Variants in DLGAP1 observed in about 807,000 individuals in gnomAD.
DLGAP1 encodes DLG associated protein 1, also known as disks large-associated protein 1.
DLGAP1 carries 11 observed loss-of-function variants against 90.8 expected under a neutral mutation model. That is an observed-to-expected ratio of 0.12 (90% CI 0.08 to 0.20). The LOEUF is 0.20. DLGAP1 is among the 10% of genes least tolerant of loss of function. The pLI, the probability that DLGAP1 is intolerant of heterozygous loss-of-function variation, is 1.00. For synonymous variants in DLGAP1, 558 were observed against 540.7 expected (o/e 1.03, Z -0.44); for missense variants, 1,050 against 1,333.8 (o/e 0.79, Z 3.31).
intron 3 of DLGAP1, among the ~76,000 whole-genome samples, chr18:3,914,916 G>C (rs1182327729): frequency 3.3e-5 from 5 of 152,038 alleles, no homozygotes; most frequent in Admixed American, 3.3e-4. Context: ...GCTAATTTTT[G>C]TGTTTTTGTA....
intron 1 of DLGAP1, chr18:4,280,630 T>C (rs1262250820): frequency 6.6e-6 from 1 of 152,226 alleles, no homozygotes; most frequent in African/African-American, 2.4e-5. Flanking sequence ...TTCTGAACAG[T>C]AATTTAACAA....
At chr18:3,728,980 G>A (rs1432787633) in intron 7 of DLGAP1, among the ~76,000 whole-genome samples, 155 bp downstream of exon 7, 1 of 152,180 alleles carries the variant, frequency 6.6e-6, no homozygotes, top group Non-Finnish European at 1.5e-5. Flanking sequence ...GGCGGGGATA[G>A]AGGCAGATAG....
intron 3 of DLGAP1, among the ~76,000 whole-genome samples, chr18:3,884,744 C>T (rs912444451): frequency 1.4e-4 from 21 of 152,186 alleles, no homozygotes; most frequent in African/African-American, 5.1e-4. Flanking sequence ...ACAAGCACCT[C>T]TATTTTCTTG....
At chr18:3,931,626 C>T (rs187234675) in intron 3 of DLGAP1, among the ~76,000 whole-genome samples, 1 of 152,122 alleles carries the variant, frequency 6.6e-6, no homozygotes, top group African/African-American at 2.4e-5. Flanking sequence ...CTTTGGAAAG[C>T]AGTGAATTTG....
chr18:4,359,450 T>C (rs965244452), intron 1 of DLGAP1, among the ~76,000 whole-genome samples: 1 of 152,170 alleles, frequency 6.6e-6, no homozygotes, highest in African/African-American at 2.4e-5. Context: ...CATACCCCCT[T>C]TTTCCAGTCA....
At chr18:3,576,893 AC>A (rs1274827348) in intron 8 of DLGAP1, among the ~76,000 whole-genome samples, 1 of 75,412 alleles carries the variant, frequency 1.3e-5, no homozygotes, top group Non-Finnish European at 2.7e-5. Flanking sequence ...ACGGCGTTTC[AC>A]TCTTGTTGCC....
chr18:3,895,236 T>G (rs2071587296), intron 3 of DLGAP1, among the ~76,000 whole-genome samples: 1 of 151,816 alleles, frequency 6.6e-6, no homozygotes, highest in Non-Finnish European at 1.5e-5. Flanking sequence ...TTAGTACTTT[T>G]CCATTTTTAT....
intron 9 of DLGAP1, among the ~76,000 whole-genome samples, chr18:3,552,617 C>A (rs1480105253): frequency 6.6e-6 from 1 of 152,174 alleles, no homozygotes; most frequent in African/African-American, 2.4e-5. Context: ...TGTATATCTT[C>A]ACTTAATCCT....
intron 3 of DLGAP1, among the ~76,000 whole-genome samples, chr18:3,982,772 C>T (rs926620666): frequency 5.9e-5 from 9 of 152,070 alleles, no homozygotes; most frequent in African/African-American, 1.7e-4. Context: ...ATTCTAGCAC[C>T]GTGAGTCGCA....
Position 3,565,973 on chromosome 18 carries a change from T to G in DLGAP1, c.2057+1517A>C, listed in dbSNP as rs2054405409. On this transcript the variant is annotated intron_variant, in intron 9 of 12. Coordinates refer to ENST00000315677, the MANE Select transcript of DLGAP1 (RefSeq NM_004746.4). The surrounding 1 kb of genome is among the most constrained non-coding windows in gnomAD (Gnocchi z 4.0). The stretch of plus-strand genomic sequence containing the variant: ...TCCTTGTCCATCTGCATGAACACTA[T>G]GCGTGGATATTATATATTAAAGTTT... Among the ~76,000 whole-genome samples the G allele has an allele frequency of 1.3e-5, 2 of 152,176 alleles. No individual in the cohort carries two copies. Among genetic ancestry groups the G allele is most frequent in the South Asian group, 4.1e-4 (2 of 4,830 alleles).
chr18:4,105,305 C>T (rs2075841013), intron 2 of DLGAP1, among the ~76,000 whole-genome samples: 1 of 152,162 alleles, frequency 6.6e-6, no homozygotes, highest in Non-Finnish European at 1.5e-5. Context: ...TTCCTCTATG[C>T]AAGTTAGCAG....
Position 4,397,514 on chromosome 18 carries a change from A to C in DLGAP1, c.-267+57492T>G, listed in dbSNP as rs139166283. ...ATTATATCCACTTGAAATTATCAGC[A>C]TGCATTTGTATATTGTAACAGAAAT... On this transcript the variant is annotated intron_variant, in intron 1 of 12. Coordinates refer to ENST00000315677, the MANE Select transcript of DLGAP1 (RefSeq NM_004746.4). Among the ~76,000 whole-genome samples the C allele has an allele frequency of 1.0e-3, 155 of 152,300 alleles. 2 individuals carry two copies. The highest frequency in any genetic ancestry group is 9.6e-4 in the Non-Finnish European group (65 of 68,016).
At chr18:4,410,867 G>A (rs1032964996) in intron 1 of DLGAP1, among the ~76,000 whole-genome samples, 1 of 152,176 alleles carries the variant, frequency 6.6e-6, no homozygotes, top group African/African-American at 2.4e-5. Context: ...GTGTACCACA[G>A]AGAATCCCCA....
chr18:3,702,567 C>T (rs537183927), intron 7 of DLGAP1, among the ~76,000 whole-genome samples: 3 of 152,290 alleles, frequency 2.0e-5, no homozygotes, highest in Admixed American at 2.0e-4. Context: ...TTCCTAGACC[C>T]TTCCCTGGGT....
chr18:4,031,337 A>G lies in DLGAP1; in HGVS notation c.-158-26136T>C, dbSNP rs2074793028. ...TTCCTATTAGATGATACAATAAAAT[A>G]TATATTGTATTTACAAACATATTTC... is the stretch of plus-strand genomic sequence containing the variant. On this transcript the variant is annotated intron_variant, in intron 2 of 12. Coordinates refer to ENST00000315677, the MANE Select transcript of DLGAP1 (RefSeq NM_004746.4). 2.0e-5 allele frequency among the ~76,000 whole-genome samples: 3 copies of G among 152,214 alleles called. No individual in the cohort carries two copies. The South Asian group carries it at 6.2e-4, about 32-fold the overall frequency.
chr18:4,279,125 T>G (rs1218029268), intron 1 of DLGAP1, among the ~76,000 whole-genome samples: 1 of 152,220 alleles, frequency 6.6e-6, no homozygotes, highest in Non-Finnish European at 1.5e-5. Flanking sequence ...GGACTGGAAG[T>G]GGCAGACCTG....
intron 1 of DLGAP1, among the ~76,000 whole-genome samples, chr18:4,238,698 T>A (rs902020231): frequency 6.6e-6 from 1 of 152,176 alleles, no homozygotes; most frequent in East Asian, 1.9e-4. Context: ...TTAATTCTAA[T>A]CAAAATATGT....
At chr18:4,137,067 C>T (rs1203173697) in intron 2 of DLGAP1, among the ~76,000 whole-genome samples, 1 of 151,996 alleles carries the variant, frequency 6.6e-6, no homozygotes, top group Non-Finnish European at 1.5e-5. Context: ...CACTCCACAA[C>T]AGGCCCCAGT....
intron 1 of DLGAP1, among the ~76,000 whole-genome samples, chr18:4,417,473 C>T (rs1598388968): frequency 6.6e-6 from 1 of 152,048 alleles, no homozygotes; most frequent in African/African-American, 2.4e-5. Flanking sequence ...CGTTTGCTTA[C>T]TGCTGTCTTT....
Sources: allele counts gnomAD v4.1 joint callset (sites outside exome capture counted in the v4.1 genomes callset), GRCh38; gene constraint gnomAD v4.1.1; non-coding constraint Gnocchi (gnomAD v3.1); transcripts MANE v1.5; gene names NCBI Gene and HGNC (gene_info 2026-07-23, HGNC 2026-07-21).